The following KDM4B variants were observed in gnomAD, a reference collection of about 807,000 sequenced individuals.
The protein encoded by KDM4B is lysine demethylase 4B.
A neutral mutation model predicts 125.2 loss-of-function variants in KDM4B; 32 were observed. That is an observed-to-expected ratio of 0.26 (90% CI 0.19 to 0.34). KDM4B has a LOEUF of 0.34. Ranked by LOEUF, KDM4B falls within the 10% of genes least tolerant of loss-of-function variation. The pLI is 1.00. For synonymous variants in KDM4B, 721 were observed against 677.9 expected (o/e 1.06, Z -0.99); for missense variants, 1,190 against 1,577.7 (o/e 0.75, Z 4.16).
intron 1 of KDM4B, among the ~76,000 whole-genome samples, chr19:4,976,285 A>G (rs991364423): frequency 2.0e-5 from 3 of 150,734 alleles, no homozygotes; most frequent in Non-Finnish European, 2.9e-5. Flanking sequence ...GGTCATTTCA[A>G]GGATCCTTAA....
chr19:5,104,036 G>A (rs1447603399), intron 9 of KDM4B, among the ~76,000 whole-genome samples: 1 of 152,208 alleles, frequency 6.6e-6, no homozygotes, highest in African/African-American at 2.4e-5. Flanking sequence ...ACGGCTGCCT[G>A]CAGTCTGGCC....
chr19:5,045,197 C>T (rs1402062014), intron 5 of KDM4B, among the ~76,000 whole-genome samples: 1 of 152,192 alleles, frequency 6.6e-6, no homozygotes, highest in African/African-American at 2.4e-5. Flanking sequence ...GCCCCGCTTC[C>T]CCGCCCCCAT....
Position 5,151,460 on chromosome 19 carries a change from C to A in KDM4B, c.3240C>A (p.Ala1080=). 1 of 1,524,736 alleles carries A rather than the reference C, an allele frequency of 6.6e-7. No individual in the cohort carries two copies. The highest frequency in any genetic ancestry group is 8.8e-7 in the Non-Finnish European group (1 of 1,136,958). 94.5% of individuals were successfully genotyped at this position (1,524,736 alleles called of 1,614,324 possible). The change falls in exon 23 of 23, where the codon GCC becomes GCA. Residue 1080 remains alanine (A), a synonymous_variant. Transcript: ENST00000159111. ...EDSGRSQDYV[A]FVESLLQVQG... ...CCGGGCGGAGCCAGGACTACGTGGC[C>A]TTCGTGGAGAGCCTCCTGCAGGTGC... is the stretch of plus-strand genomic sequence containing the variant.
intron 9 of KDM4B, among the ~76,000 whole-genome samples, chr19:5,096,579 G>A (rs781089358): frequency 3.3e-5 from 5 of 152,180 alleles, no homozygotes; most frequent in Non-Finnish European, 5.9e-5. Context: ...CACTGGAGTC[G>A]CTGGTGACAT....
At chr19:4,986,897 G>A (rs1289903278) in intron 1 of KDM4B, among the ~76,000 whole-genome samples, 1 of 152,226 alleles carries the variant, frequency 6.6e-6, no homozygotes, top group Non-Finnish European at 1.5e-5. Context: ...AGTCAGCCGT[G>A]AGGGCAAAGG....
chr19:5,067,275 G>C (rs2037802394), intron 6 of KDM4B, among the ~76,000 whole-genome samples: 1 of 152,090 alleles, frequency 6.6e-6, no homozygotes, highest in African/African-American at 2.4e-5. Context: ...GAAGCCCCGT[G>C]GCTGTTCTGC....
At chr19:5,124,934 G>C (rs2039424058) in intron 11 of KDM4B, among the ~76,000 whole-genome samples, 1 of 148,214 alleles carries the variant, frequency 6.7e-6, no homozygotes, top group African/African-American at 2.5e-5. Context: ...GAGTCTTGCT[G>C]TGTCCCCCAG....
In KDM4B at chr19:5,151,595, C is replaced by T; in HGVS notation, c.*84C>T. ...CGTTCGCTTGCTGTGAATTCCTGTC[C>T]TCGTGTCCCCGACCCCCGAGAGGCC... On this transcript the variant is annotated 3_prime_UTR_variant, in exon 23 of 23. Transcript: ENST00000159111. 2 of 1,185,682 alleles carry T rather than the reference C, an allele frequency of 1.7e-6. No individual in the cohort carries two copies. Among genetic ancestry groups the T allele is most frequent in the Non-Finnish European group, 2.1e-6 (2 of 933,170 alleles). 73.4% of individuals were successfully genotyped at this position (1,185,682 alleles called of 1,614,324 possible).
At chr19:5,128,214 C>T (rs890175257) in intron 11 of KDM4B, among the ~76,000 whole-genome samples, 1 of 152,104 alleles carries the variant, frequency 6.6e-6, no homozygotes, top group Non-Finnish European at 1.5e-5. Flanking sequence ...GTGGGGGTGC[C>T]GGCTGGGGAC....
At chr19:5,061,805 G>A (rs1440837105) in intron 6 of KDM4B, among the ~76,000 whole-genome samples, 1 of 151,404 alleles carries the variant, frequency 6.6e-6, no homozygotes, top group African/African-American at 2.4e-5. Context: ...GGAATTTGAG[G>A]CTGCAGCAAA....
rs1041990655 is a variant in KDM4B, at chr19:5,115,996, G to A, written c.1116-3657G>A. On this transcript the variant is annotated intron_variant, in intron 10 of 22. Transcript: ENST00000159111. The surrounding 1 kb of genome is among the most constrained non-coding windows in gnomAD (Gnocchi z 4.2). The stretch of plus-strand genomic sequence containing the variant: ...GGTTAAAAAGTCCACCAGAAAGTCC[G>A]CCCAAGAATGGAAATTACCCAAACC... Among the ~76,000 whole-genome samples the A allele has an allele frequency of 4.6e-5, 7 of 152,184 alleles. No homozygotes were observed. Among genetic ancestry groups the A allele is most frequent in the South Asian group, 2.1e-4 (1 of 4,824 alleles).
chr19:5,030,887 C>T (rs1434747805), intron 2 of KDM4B, among the ~76,000 whole-genome samples: 1 of 152,248 alleles, frequency 6.6e-6, no homozygotes, highest in Non-Finnish European at 1.5e-5. Context: ...CCAGGGATGG[C>T]CTCAGGCCTT....
At chr19:5,004,014 T>C (rs1034836862) in intron 1 of KDM4B, among the ~76,000 whole-genome samples, 2 of 152,176 alleles carry the variant, frequency 1.3e-5, no homozygotes, top group Admixed American at 6.5e-5. Flanking sequence ...CTGCGCGTCC[T>C]GTTTCGTGTT....
At chr19:5,137,863 A>C in intron 17 of KDM4B, 99 bp from the exon 18 acceptor site, 1 of 1,160,928 alleles carries the variant, frequency 8.6e-7, no homozygotes, top group Non-Finnish European at 1.2e-6. Flanking sequence ...GAAGTTCCCC[A>C]GGCCCTGACC....
chr19:5,019,322 G>A (rs1464441270), intron 2 of KDM4B, among the ~76,000 whole-genome samples: 6 of 146,308 alleles, frequency 4.1e-5, no homozygotes, highest in African/African-American at 7.6e-5. Flanking sequence ...TGGTGTGGAC[G>A]TTGGCGTGCA....
intron 1 of KDM4B, among the ~76,000 whole-genome samples, chr19:4,973,427 G>A (rs915634048): frequency 2.0e-5 from 3 of 152,124 alleles, no homozygotes; most frequent in African/African-American, 4.8e-5. Flanking sequence ...GACCTCAAGT[G>A]ATCCGCCTGC....
At chr19:5,049,324 G>A (rs909714063) in intron 6 of KDM4B, among the ~76,000 whole-genome samples, 2 of 152,076 alleles carry the variant, frequency 1.3e-5, no homozygotes, top group African/African-American at 2.4e-5. Context: ...TGCCGCAGGC[G>A]TCCAGCTGCC....
intron 1 of KDM4B, among the ~76,000 whole-genome samples, chr19:5,015,282 C>G (rs953113324): frequency 6.6e-6 from 1 of 152,020 alleles, no homozygotes; most frequent in South Asian, 2.1e-4. Flanking sequence ...TAGTCTTGCT[C>G]TGTCACCCAG....
chr19:5,028,411 C>T (rs996357523), intron 2 of KDM4B, among the ~76,000 whole-genome samples: 7 of 152,206 alleles, frequency 4.6e-5, no homozygotes, highest in South Asian at 2.1e-4. Flanking sequence ...GTCAGAGCCT[C>T]GTTGCTTTTC....
Sources: allele counts gnomAD v4.1 joint callset (sites outside exome capture counted in the v4.1 genomes callset), GRCh38; gene constraint gnomAD v4.1.1; non-coding constraint Gnocchi (gnomAD v3.1); transcripts MANE v1.5; gene names NCBI Gene and HGNC (gene_info 2026-07-23, HGNC 2026-07-21).